ABHD17B: variants seen among roughly 807,000 people sequenced by gnomAD.
The protein encoded by ABHD17B is abhydrolase domain containing 17B, depalmitoylase, also known as alpha/beta hydrolase domain-containing protein 17B.
ABHD17B carries 9 observed loss-of-function variants against 26.2 expected under a neutral mutation model. The ratio of observed to expected loss-of-function variants is 0.34; its 90% confidence interval spans 0.21 to 0.60. The LOEUF (loss-of-function observed/expected upper bound fraction) is 0.60, where lower values mean the gene tolerates loss of function less well. Among genes scored for constraint, ABHD17B ranks in the 20% least tolerant of loss-of-function variants. The pLI is 0.80. For missense variants in ABHD17B, 224 were observed against 352.1 expected (o/e 0.64, Z 2.91); for synonymous variants, 127 against 122.3 (o/e 1.04, Z -0.25).
At position 71,874,880 on chromosome 9, in the gene ABHD17B, C is replaced by T. The variant is rs200109832; in HGVS notation, c.201G>A (p.Glu67=). ...QYSSREKDAI[E]CFMTRTSKGN... is the part of the protein sequence containing the mutation. ...CTTTACTGGTTCTAGTCATGAAACA[C>T]TCAATAGCATCTTTTTCTCTAGAAG... The change falls in exon 2 of 4, where the codon GAG becomes GAA. Residue 67 remains glutamate (E), a synonymous_variant. Transcript: ENST00000333421. 8 of 1,614,172 alleles carry T rather than the reference C, an allele frequency of 5.0e-6. No homozygotes were observed. The highest frequency in any genetic ancestry group is 6.8e-6 in the Non-Finnish European group (8 of 1,180,036).
At chr9:71,871,112 T>C (rs943348590) in intron 2 of ABHD17B, among the ~76,000 whole-genome samples, 2 of 152,194 alleles carry the variant, frequency 1.3e-5, no homozygotes, top group East Asian at 3.8e-4. Flanking sequence ...GCTTAAAGGT[T>C]ATAGTGACAT....
chr9:71,885,290 T>A (rs1043741382), intron 1 of ABHD17B, among the ~76,000 whole-genome samples: 6 of 151,384 alleles, frequency 4.0e-5, no homozygotes, highest in East Asian at 1.9e-4. Flanking sequence ...ACTAAAAAAA[T>A]AATAATAATT....
chr9:71,888,420 T>C (rs2132172710), intron 1 of ABHD17B, among the ~76,000 whole-genome samples: 1 of 152,326 alleles, frequency 6.6e-6, no homozygotes, highest in Non-Finnish European at 1.5e-5. Context: ...TATTACATTG[T>C]TCCAGAAACA....
chr9:71,900,952 G>A (rs541385176), intron 1 of ABHD17B, among the ~76,000 whole-genome samples: 1 of 151,974 alleles, frequency 6.6e-6, no homozygotes, highest in African/African-American at 2.4e-5. Context: ...GATTGAGACC[G>A]TCCTGGCTAA....
In ABHD17B at chr9:71,865,272, C is replaced by A; in HGVS notation, c.*1515G>T. The A allele has an allele frequency of 8.1e-6, 8 of 985,620 alleles. No individual in the cohort carries two copies. Among genetic ancestry groups the A allele is most frequent in the Non-Finnish European group, 9.6e-6 (8 of 829,776 alleles). The allele number at this position is 985,620 out of a possible 1,614,324, so 61.1% of individuals were successfully genotyped here. A position where few individuals can be genotyped will look rare whatever the true frequency, so the allele number is the denominator to read the frequency against. On this transcript the variant is annotated 3_prime_UTR_variant, in exon 4 of 4. Coordinates refer to ENST00000333421, the MANE Select transcript of ABHD17B (RefSeq NM_001025780.3). ...GTCTTAAACATAACCACGGAACGAGCAGAACAATTAAAACTACATAAGGCC... is the reference window on the plus strand; with the variant it reads ...GTCTTAAACATAACCACGGAACGAGAAGAACAATTAAAACTACATAAGGCC...
intron 1 of ABHD17B, among the ~76,000 whole-genome samples, chr9:71,885,729 T>C (rs1005929635): frequency 5.9e-5 from 9 of 152,198 alleles, no homozygotes; most frequent in African/African-American, 1.9e-4. Flanking sequence ...AATGACCTAC[T>C]GTATCTCCTT....
At chr9:71,863,103 A>G (rs1427890013), downstream of ABHD17B, among the ~76,000 whole-genome samples, 3 of 152,206 alleles carry the variant, frequency 2.0e-5, no homozygotes, top group Non-Finnish European at 4.4e-5. Flanking sequence ...AAACTAGTTC[A>G]TGAAAGTTCT....
chr9:71,888,771 C>T (rs1231546908), intron 1 of ABHD17B, among the ~76,000 whole-genome samples: 1 of 151,968 alleles, frequency 6.6e-6, no homozygotes, highest in East Asian at 1.9e-4. Flanking sequence ...CCTTATTTAC[C>T]AAGCAGTAAA....
chr9:71,886,391 C>G (rs1826610218), intron 1 of ABHD17B, among the ~76,000 whole-genome samples: 1 of 147,688 alleles, frequency 6.8e-6, no homozygotes, highest in African/African-American at 2.5e-5. Flanking sequence ...AGTTCAAGAC[C>G]AGCCTGGGCA....
chr9:71,899,103 G>A (rs182162896), intron 1 of ABHD17B, among the ~76,000 whole-genome samples: 293 of 150,668 alleles, frequency 1.9e-3, no homozygotes, highest in African/African-American at 6.9e-3. Context: ...CAACCTGGGC[G>A]ACAGAGCAAG....
chr9:71,869,420 G>T (rs1826049121), intron 3 of ABHD17B, among the ~76,000 whole-genome samples: 1 of 152,032 alleles, frequency 6.6e-6, no homozygotes, highest in Non-Finnish European at 1.5e-5. Flanking sequence ...CTTATTTCTT[G>T]TCTTCTCCTT....
At chr9:71,895,885 A>G (rs1826938182) in intron 1 of ABHD17B, among the ~76,000 whole-genome samples, 1 of 152,180 alleles carries the variant, frequency 6.6e-6, no homozygotes, top group Admixed American at 6.5e-5. Flanking sequence ...GCTGTGGTTC[A>G]TGGAAAACTC....
At chr9:71,909,009 C>T (rs933847122) in intron 1 of ABHD17B, among the ~76,000 whole-genome samples, 2 of 152,160 alleles carry the variant, frequency 1.3e-5, no homozygotes, top group African/African-American at 4.8e-5. Context: ...CTACTAAAAA[C>T]ATTATTTTTT....
At chr9:71,904,676 C>T (rs1455086162) in intron 1 of ABHD17B, among the ~76,000 whole-genome samples, 1 of 151,942 alleles carries the variant, frequency 6.6e-6, no homozygotes, top group Non-Finnish European at 1.5e-5. Flanking sequence ...ACAGATGAAA[C>T]ATAAGAATCA....
chr9:71,890,703 C>CA (rs927882769), intron 1 of ABHD17B, among the ~76,000 whole-genome samples: 1 of 152,150 alleles, frequency 6.6e-6, no homozygotes, highest in Non-Finnish European at 1.5e-5. Flanking sequence ...CCTCACTGTT[C>CA]AAAAATAAGG....
chr9:71,870,470 T>C (rs2132127857), intron 2 of ABHD17B, among the ~76,000 whole-genome samples: 1 of 152,342 alleles, frequency 6.6e-6, no homozygotes, highest in Admixed American at 6.5e-5. Context: ...ACTTCATCTT[T>C]TGGAAGAATA....
chr9:71,889,194 G>A (rs918769798), intron 1 of ABHD17B, among the ~76,000 whole-genome samples: 1 of 151,842 alleles, frequency 6.6e-6, no homozygotes, highest in Non-Finnish European at 1.5e-5. Flanking sequence ...GCAGGCGCCT[G>A]TAATCATAGC....
chr9:71,906,092 C>T (rs1460500292), intron 1 of ABHD17B, among the ~76,000 whole-genome samples: 1 of 151,934 alleles, frequency 6.6e-6, no homozygotes, highest in African/African-American at 2.4e-5. Flanking sequence ...ACAAATAGTG[C>T]TGCTCCATGC....
At position 71,897,075 on chromosome 9, in the gene ABHD17B, T is replaced by C. The variant is rs150965576; in HGVS notation, c.-4+13559A>G. The stretch of plus-strand genomic sequence containing the variant: ...AGAAAGAATTTTAGGTGCCAACTAA[T>C]GGCTAATAAATCAATCTGTCCCCTT... On this transcript the variant is annotated intron_variant, in intron 1 of 3. Transcript: ENST00000333421. 4.0e-4 allele frequency among the ~76,000 whole-genome samples: 61 copies of C among 152,360 alleles called. No homozygotes were observed. In the East Asian group the frequency reaches 0.01, roughly 25 times the overall value.
Sources: allele counts gnomAD v4.1 joint callset (sites outside exome capture counted in the v4.1 genomes callset), GRCh38; gene constraint gnomAD v4.1.1; transcripts MANE v1.5; gene names NCBI Gene and HGNC (gene_info 2026-07-23, HGNC 2026-07-21).